The following SSH2 variants were observed in gnomAD, a reference collection of about 807,000 sequenced individuals.
The protein encoded by SSH2 is protein phosphatase Slingshot homolog 2.
In SSH2, 37 loss-of-function variants were observed where a neutral mutation model predicts 135.2. That is an observed-to-expected ratio of 0.27 (90% CI 0.21 to 0.36). The LOEUF is 0.36. Among genes scored for constraint, SSH2 ranks in the 10% least tolerant of loss-of-function variants. The pLI is 1.00. For missense variants in SSH2, 1,408 were observed against 1,765.3 expected (o/e 0.80, Z 3.63); for synonymous variants, 628 against 646.2 (o/e 0.97, Z 0.43).
intron 8 of SSH2, among the ~76,000 whole-genome samples, chr17:29,675,209 A>G (rs1473887716): frequency 6.6e-6 from 1 of 152,164 alleles, no homozygotes; most frequent in African/African-American, 2.4e-5. Context: ...TATCTCAATC[A>G]CTGCAGGAAA....
At chr17:29,921,775 C>T (rs9902415) in intron 1 of SSH2, among the ~76,000 whole-genome samples, 18 of 151,990 alleles carry the variant, frequency 1.2e-4, no homozygotes, top group African/African-American at 3.1e-4. Flanking sequence ...CTCAAACTCC[C>T]GACCTCAGGT....
chr17:29,880,821 G>T (rs569859095), intron 1 of SSH2, among the ~76,000 whole-genome samples: 36 of 152,196 alleles, frequency 2.4e-4, no homozygotes, highest in African/African-American at 7.9e-4. Context: ...AACATTTTTT[G>T]TGTAGGACAT....
chr17:29,812,571 A>C (rs111733934), intron 2 of SSH2, among the ~76,000 whole-genome samples: 3 of 152,284 alleles, frequency 2.0e-5, no homozygotes, highest in Non-Finnish European at 2.9e-5. Flanking sequence ...GGTGTCAGCC[A>C]CTACGCCCAG....
intron 11 of SSH2, 47 bp downstream of exon 11, chr17:29,666,820 A>G (rs1231536460): frequency 1.9e-6 from 3 of 1,582,254 alleles, no homozygotes; most frequent in East Asian, 2.2e-5. Context: ...CCATGAGTCC[A>G]TATGGGCTAG....
At chr17:29,823,254 A>T (rs1471575820) in intron 2 of SSH2, among the ~76,000 whole-genome samples, 1 of 152,240 alleles carries the variant, frequency 6.6e-6, no homozygotes, top group Admixed American at 6.5e-5. Flanking sequence ...AAAACATATG[A>T]GGCATTGGAA....
At chr17:29,701,970 C>T (rs1413504655) in intron 4 of SSH2, among the ~76,000 whole-genome samples, 4 of 150,610 alleles carry the variant, frequency 2.7e-5, no homozygotes, top group Non-Finnish European at 5.9e-5. Context: ...TCAGGCAATC[C>T]TCTTGCCTCA....
At chr17:29,682,648 AG>A (rs2038033923) in intron 6 of SSH2, among the ~76,000 whole-genome samples, 1 of 152,078 alleles carries the variant, frequency 6.6e-6, no homozygotes, top group African/African-American at 2.4e-5. Flanking sequence ...GAGAAAAGGA[AG>A]GAAGATGAAA....
intron 1 of SSH2, chr17:29,855,941 TAGAA>T (rs775566872): frequency 3.3e-5 from 9 of 271,184 alleles, no homozygotes; most frequent in Non-Finnish European, 6.3e-5. Context: ...GATTGGGAAA[TAGAA>T]AGGAAGTGGC....
chr17:29,668,558 C>T (rs925946194), intron 9 of SSH2, among the ~76,000 whole-genome samples: 7 of 151,684 alleles, frequency 4.6e-5, no homozygotes, highest in South Asian at 2.1e-4. Flanking sequence ...GGCAAAACCG[C>T]GTATCTACAA....
intron 15 of SSH2, among the ~76,000 whole-genome samples, chr17:29,634,210 T>G (rs1474834368): frequency 6.6e-6 from 1 of 152,132 alleles, no homozygotes; most frequent in East Asian, 1.9e-4. Flanking sequence ...GTGGGGTAGT[T>G]AAGGAGAGAG....
At chr17:29,684,785 G>T in intron 5 of SSH2, 101 bp from the exon 6 acceptor site, 1 of 1,098,468 alleles carries the variant, frequency 9.1e-7, no homozygotes. Flanking sequence ...ACTCACGAAG[G>T]CAGCAGAGCC....
chr17:29,900,342 G>T (rs1292322090), intron 1 of SSH2, among the ~76,000 whole-genome samples: 2 of 152,076 alleles, frequency 1.3e-5, no homozygotes, highest in East Asian at 3.9e-4. Context: ...AGAGTGAACA[G>T]GCAACCTACA....
intron 2 of SSH2, among the ~76,000 whole-genome samples, chr17:29,794,892 G>C (rs1392025867): frequency 1.3e-5 from 2 of 152,192 alleles, no homozygotes; most frequent in African/African-American, 4.8e-5. Flanking sequence ...CTTCACAGAG[G>C]CAAGAATATT....
chr17:29,683,599 G>A (rs990533302), intron 6 of SSH2, among the ~76,000 whole-genome samples: 6 of 152,096 alleles, frequency 3.9e-5, no homozygotes, highest in African/African-American at 7.2e-5. Flanking sequence ...CAAAGGGTAG[G>A]TGCCCTAGAA....
At chr17:29,699,908 T>C (rs1331144321) in intron 4 of SSH2, among the ~76,000 whole-genome samples, 1 of 152,188 alleles carries the variant, frequency 6.6e-6, no homozygotes, top group Non-Finnish European at 1.5e-5. Context: ...CAAGCTAATT[T>C]CCAAAAGAGG....
At position 29,628,430 on chromosome 17, in the gene SSH2, C is replaced by G. The variant is rs1369242590; in HGVS notation, c.*2411G>C. On this transcript the variant is annotated 3_prime_UTR_variant, in exon 16 of 16. Transcript: ENST00000540801. The stretch of plus-strand genomic sequence containing the variant: ...GGGGAGAAGAGGGAACAGTCCAAAA[C>G]TTTGGTCCTGCTTGTACCTCTTAGT... 6 of 152,080 alleles carry G rather than the reference C, an allele frequency of 3.9e-5. No homozygotes were observed. Among genetic ancestry groups the G allele is most frequent in the Non-Finnish European group, 5.9e-5 (4 of 68,030 alleles). The allele number at this position is 152,080 out of a possible 1,614,324, so 9.4% of individuals were successfully genotyped here.
chr17:29,757,258 T>C (rs944630227), intron 3 of SSH2, among the ~76,000 whole-genome samples: 1 of 152,226 alleles, frequency 6.6e-6, no homozygotes, highest in Non-Finnish European at 1.5e-5. Context: ...AAGAGCTTCT[T>C]AATCTTTTTT....
intron 15 of SSH2, among the ~76,000 whole-genome samples, chr17:29,634,966 G>A (rs1298634569): frequency 4.0e-5 from 6 of 151,834 alleles, no homozygotes; most frequent in African/African-American, 7.3e-5. Context: ...ACAGTGGCAC[G>A]ACCTCGGCTC....
chr17:29,912,051 A>G (rs932724856), intron 1 of SSH2, among the ~76,000 whole-genome samples: 2 of 152,198 alleles, frequency 1.3e-5, no homozygotes, highest in East Asian at 1.9e-4. Flanking sequence ...TAGTTCTGGT[A>G]GGAGACTTAA....
Sources: allele counts gnomAD v4.1 joint callset (sites outside exome capture counted in the v4.1 genomes callset), GRCh38; gene constraint gnomAD v4.1.1; transcripts MANE v1.5; gene names NCBI Gene and HGNC (gene_info 2026-07-23, HGNC 2026-07-21).